The following ATF6 variants were observed in gnomAD, a reference collection of about 807,000 sequenced individuals.
ATF6 encodes cyclic AMP-dependent transcription factor ATF-6 alpha.
Under a neutral mutation model 83.6 loss-of-function variants are expected in ATF6, and 53 were observed. That is an observed-to-expected ratio of 0.63 (90% confidence interval 0.51 to 0.80). The LOEUF (loss-of-function observed/expected upper bound fraction) is 0.80, where lower values mean the gene tolerates loss of function less well. Among genes scored for constraint, ATF6 ranks in the 30% least tolerant of loss-of-function variants. ATF6 has a pLI of 0.00. For synonymous variants in ATF6, 288 were observed against 285.8 expected, an observed-to-expected ratio of 1.01 and a Z score of -0.08; for missense variants, 744 against 797.9, an observed-to-expected ratio of 0.93 and a Z score of 0.81.
chr1:161,890,672 G>T (rs1308105367), intron 14 of ATF6, among the ~76,000 whole-genome samples: 2 of 152,190 alleles, frequency 1.3e-5, no homozygotes, highest in Admixed American at 1.3e-4. Context: ...ATGCTCTAGC[G>T]GATTGGCCCC....
At chr1:161,896,195 C>T (rs1202612460) in intron 14 of ATF6, among the ~76,000 whole-genome samples, 1 of 152,164 alleles carries the variant, frequency 6.6e-6, no homozygotes, top group Non-Finnish European at 1.5e-5. Context: ...GCAACCTCTA[C>T]CTCCCGGTTT....
At chr1:161,780,104 A>T (rs190855898) in intron 2 of ATF6, among the ~76,000 whole-genome samples, 75 of 152,210 alleles carry the variant, frequency 4.9e-4, no homozygotes, top group African/African-American at 1.3e-3. Flanking sequence ...TTGATTTTTT[A>T]AAAAATGGTT....
chr1:161,783,573 A>G (rs1344902291), intron 3 of ATF6, among the ~76,000 whole-genome samples: 1 of 152,152 alleles, frequency 6.6e-6, no homozygotes, highest in East Asian at 1.9e-4. Context: ...GGGAAGCTAT[A>G]ATATTTTGCA....
intron 14 of ATF6, among the ~76,000 whole-genome samples, chr1:161,868,911 A>G (rs1687067150): frequency 6.6e-6 from 1 of 152,126 alleles, no homozygotes; most frequent in Non-Finnish European, 1.5e-5. Flanking sequence ...AGATACTTGC[A>G]TCTTCATTTA....
At chr1:161,872,508 A>C (rs1687142120) in intron 14 of ATF6, among the ~76,000 whole-genome samples, 1 of 151,634 alleles carries the variant, frequency 6.6e-6, no homozygotes, top group Admixed American at 6.6e-5. Flanking sequence ...AAGAGCCAGC[A>C]GGGAAACACA....
intron 15 of ATF6, among the ~76,000 whole-genome samples, chr1:161,913,758 A>T (rs78717237): frequency 6.6e-6 from 1 of 152,306 alleles, no homozygotes; most frequent in South Asian, 2.1e-4. Context: ...CTTATACTCA[A>T]TCTATAGGTA....
intron 14 of ATF6, among the ~76,000 whole-genome samples, chr1:161,909,595 A>G (rs1400653342): frequency 6.6e-6 from 1 of 152,212 alleles, no homozygotes; most frequent in Non-Finnish European, 1.5e-5. Flanking sequence ...ATTCTTTAAA[A>G]GAAAATATCC....
chr1:161,824,215 T>TCTCC (rs1685831941), intron 9 of ATF6, among the ~76,000 whole-genome samples: 1 of 152,098 alleles, frequency 6.6e-6, no homozygotes, highest in Non-Finnish European at 1.5e-5. Flanking sequence ...CCTCAAACAC[T>TCTCC]CTAAGCCTGC....
Position 161,942,305 on chromosome 1 carries a change from A to G in ATF6, c.1805-16141A>G, listed in dbSNP as rs181757164. ...GAAGAATGCAGTTTATTTCGTCTCC[A>G]TAAGACTGTGAGGCAGTGGAAGGTA... On this transcript the variant is annotated intron_variant, in intron 15 of 15. Coordinates refer to ENST00000367942, the MANE Select transcript of ATF6 (RefSeq NM_007348.4). 8.5e-5 allele frequency among the ~76,000 whole-genome samples: 13 copies of G among 152,356 alleles called. No homozygotes were observed. The East Asian group carries it at 1.7e-3, about 20-fold the overall frequency.
At chr1:161,823,692 G>A (rs1029933911) in intron 9 of ATF6, among the ~76,000 whole-genome samples, 3 of 152,122 alleles carry the variant, frequency 2.0e-5, no homozygotes, top group African/African-American at 7.2e-5. Context: ...AGGATTATCT[G>A]TTTTTTCATG....
intron 9 of ATF6, among the ~76,000 whole-genome samples, chr1:161,836,433 C>G (rs1557987224): frequency 6.6e-6 from 1 of 152,122 alleles, no homozygotes; most frequent in Non-Finnish European, 1.5e-5. Flanking sequence ...AAGTACTTTC[C>G]ACATTTATCA....
chr1:161,838,864 A>T (rs1354395289), intron 9 of ATF6, among the ~76,000 whole-genome samples: 1 of 152,176 alleles, frequency 6.6e-6, no homozygotes, highest in African/African-American at 2.4e-5. Flanking sequence ...TTCTTCATTT[A>T]ACCACATTTA....
At chr1:161,872,239 A>G (rs574590097) in intron 14 of ATF6, among the ~76,000 whole-genome samples, 3 of 151,770 alleles carry the variant, frequency 2.0e-5, no homozygotes, top group African/African-American at 4.8e-5. Context: ...AAATTTATCC[A>G]TTGTGACATC....
chr1:161,898,049 A>C (rs1687711272), intron 14 of ATF6, among the ~76,000 whole-genome samples: 1 of 152,042 alleles, frequency 6.6e-6, no homozygotes, highest in Admixed American at 6.6e-5. Flanking sequence ...TTAAGTATAG[A>C]TTTTTTTGAC....
chr1:161,768,100 C>A (rs1019381971), intron 1 of ATF6, among the ~76,000 whole-genome samples: 5 of 152,196 alleles, frequency 3.3e-5, no homozygotes, highest in African/African-American at 9.7e-5. Context: ...GGTGATCCGC[C>A]CACCTCGGCC....
chr1:161,931,155 G>A (rs192035709), intron 15 of ATF6, among the ~76,000 whole-genome samples: 4 of 152,270 alleles, frequency 2.6e-5, no homozygotes, highest in East Asian at 1.9e-4. Flanking sequence ...GATTACAGGC[G>A]TGAGCCACCG....
At chr1:161,917,256 G>T (rs575128186) in intron 15 of ATF6, among the ~76,000 whole-genome samples, 1 of 152,286 alleles carries the variant, frequency 6.6e-6, no homozygotes, top group East Asian at 1.9e-4. Flanking sequence ...AGGACAAAAT[G>T]CATGGGACCA....
At chr1:161,807,433 T>G (rs1292928492) in intron 7 of ATF6, among the ~76,000 whole-genome samples, 1 of 152,192 alleles carries the variant, frequency 6.6e-6, no homozygotes, top group African/African-American at 2.4e-5. Context: ...AGGCACTTCT[T>G]AATAACTTCT....
At chr1:161,954,974 A>G (rs1032924772) in intron 15 of ATF6, among the ~76,000 whole-genome samples, 1 of 152,102 alleles carries the variant, frequency 6.6e-6, no homozygotes, top group African/African-American at 2.4e-5. Context: ...ATTTGGTTCT[A>G]TTTTTCCTAA....
Sources: gnomAD v4.1 joint callset for allele counts (sites outside exome capture counted in the v4.1 genomes callset) on GRCh38, gnomAD v4.1.1 for gene constraint, MANE v1.5 for transcripts, NCBI Gene and HGNC (gene_info 2026-07-23, HGNC 2026-07-21) for gene names.